FREM2: variants seen among roughly 807,000 people sequenced by gnomAD.
The protein encoded by FREM2 is FRAS1 related extracellular matrix 2, also known as FRAS1-related extracellular matrix protein 2.
A neutral mutation model predicts 219.9 loss-of-function variants in FREM2; 119 were observed. The observed-to-expected ratio is 0.54, with a 90% CI of 0.47 to 0.63. The LOEUF is 0.63. Among genes scored for constraint, FREM2 ranks in the 30% least tolerant of loss-of-function variants. The probability of loss-of-function intolerance (pLI) is 0.00; values close to 1 mark genes in which losing one functional copy is unlikely to be tolerated. For synonymous variants in FREM2, 1,562 were observed against 1,522.8 expected, an observed-to-expected ratio of 1.03 and a Z score of -0.60; for missense variants, 4,030 against 3,993.6, an observed-to-expected ratio of 1.01 and a Z score of -0.25.
intron 6 of FREM2, among the ~76,000 whole-genome samples, chr13:38,837,538 G>C (rs1876760056): frequency 6.6e-6 from 1 of 152,110 alleles, no homozygotes; most frequent in Non-Finnish European, 1.5e-5. Flanking sequence ...TTGACAATGG[G>C]TGTTAAAGTC....
At chr13:38,753,880 G>A (rs913737891) in intron 2 of FREM2, among the ~76,000 whole-genome samples, 1 of 152,194 alleles carries the variant, frequency 6.6e-6, no homozygotes, top group African/African-American at 2.4e-5. Context: ...TAAACTCTAG[G>A]TGAGGGGATG....
rs755223411 is a variant in FREM2 at position 38,692,279 on chromosome 13, G to A, written c.4935G>A (p.Lys1645=). 4 of 1,613,688 alleles carry A rather than the reference G, an allele frequency of 2.5e-6. No homozygotes were observed. The South Asian group carries it at 3.3e-5, about 13-fold the overall frequency. The part of the protein sequence containing the change: ...VFETRRPQVM[K]IQVLAVDNSV... ...AAACAAGGAGACCCCAAGTGATGAA[G>A]ATCCAGGTCTTGGCTGTTGACAACA... is the stretch of plus-strand genomic sequence containing the variant. The change falls in exon 1 of 24, where the codon AAG becomes AAA. Residue 1645 remains lysine (K), a synonymous_variant. Transcript: ENST00000280481.
At chr13:38,745,232 A>T (rs1228611730) in intron 2 of FREM2, among the ~76,000 whole-genome samples, 1 of 152,200 alleles carries the variant, frequency 6.6e-6, no homozygotes, top group Non-Finnish European at 1.5e-5. Flanking sequence ...ATTATTTTGA[A>T]GTATGTTTTT....
intron 6 of FREM2, among the ~76,000 whole-genome samples, chr13:38,806,379 G>A (rs1875227342): frequency 6.6e-6 from 1 of 151,902 alleles, no homozygotes; most frequent in South Asian, 2.1e-4. Context: ...TAGAACTTGG[G>A]AAGTTTTCTG....
rs941602944 is a variant in FREM2 at position 38,689,255 on chromosome 13, G to A, written c.1911G>A (p.Glu637=). 4.3e-6 allele frequency: 7 copies of A among 1,613,978 alleles called. No homozygotes were observed. The African/African-American group carries it at 5.3e-5, about 12-fold the overall frequency. Reference sequence around the variant, plus strand: ...GGAGGAAGGAGGGGGCATTTTATGAGCGAACAGTGACAGAGTGGCAGCAGC... The same window carrying A: ...GGAGGAAGGAGGGGGCATTTTATGAACGAACAGTGACAGAGTGGCAGCAGC... ...GLWRKEGAFY[E]RTVTEWQQQD... Residue 637 remains glutamate (E), a synonymous_variant, in exon 1 of 24, where the codon GAG becomes GAA. Transcript: ENST00000280481.
At chr13:38,793,111 T>A (rs1461311622) in intron 6 of FREM2, among the ~76,000 whole-genome samples, 1 of 152,220 alleles carries the variant, frequency 6.6e-6, no homozygotes, top group Non-Finnish European at 1.5e-5. Flanking sequence ...GAATTTTATA[T>A]CACTCATTCA....
intron 1 of FREM2, among the ~76,000 whole-genome samples, chr13:38,694,001 A>G (rs1272886288): frequency 6.6e-6 from 1 of 152,244 alleles, no homozygotes; most frequent in Non-Finnish European, 1.5e-5. Context: ...GGAATATATT[A>G]GATAATAGAA....
rs1174433217 is a variant in FREM2 at position 38,879,648 on chromosome 13, G to A, written c.9007-636G>A. On this transcript the variant is annotated intron_variant, in intron 23 of 23. Coordinates refer to ENST00000280481, the MANE Select transcript of FREM2 (RefSeq NM_207361.6). ...ATGTGTTATTTTCATTCAACCTAAG[G>A]AAGGATCTTAAGAAAGCATGTTTGT... Among the ~76,000 whole-genome samples the A allele has an allele frequency of 1.3e-5, 2 of 152,198 alleles. 1 individual carries two copies. Among genetic ancestry groups the A allele is most frequent in the Non-Finnish European group, 2.9e-5 (2 of 68,034 alleles).
At chr13:38,732,095 CTT>C (rs1457710857) in intron 2 of FREM2, among the ~76,000 whole-genome samples, 1 of 152,174 alleles carries the variant, frequency 6.6e-6, no homozygotes, top group Non-Finnish European at 1.5e-5. Context: ...AGCATTGTCT[CTT>C]TACATTTGGA....
At chr13:38,862,022 A>T (rs943161249) in intron 15 of FREM2, among the ~76,000 whole-genome samples, 5 of 152,228 alleles carry the variant, frequency 3.3e-5, no homozygotes, top group Non-Finnish European at 5.9e-5. Context: ...ACAGGTATTA[A>T]ATATTGTGTC....
rs763642623 is a variant in FREM2 at position 38,877,151 on chromosome 13, A to G, written c.8579A>G (p.Asn2860Ser). Reference protein sequence around the residue: ...SDPVAAEFSLNTQMYLLSKKS... With the variant: ...SDPVAAEFSLSTQMYLLSKKS... ...CCAGTGGCTGCTGAGTTTAGCTTGAACACCCAAATGTACCTGCTCTCTAAG... is the reference window on the plus strand; with the variant it reads ...CCAGTGGCTGCTGAGTTTAGCTTGAGCACCCAAATGTACCTGCTCTCTAAG... Residue 2860 changes from asparagine to serine, a missense_variant, in exon 21 of 24, where the codon AAC becomes AGC. Coordinates refer to ENST00000280481, the MANE Select transcript of FREM2 (RefSeq NM_207361.6). 11 of 1,614,016 alleles carry G rather than the reference A, an allele frequency of 6.8e-6. No individual in the cohort carries two copies. The highest frequency in any genetic ancestry group is 9.3e-6 in the Non-Finnish European group (11 of 1,179,998).
intron 6 of FREM2, among the ~76,000 whole-genome samples, chr13:38,844,205 T>C (rs1390464307): frequency 6.6e-6 from 1 of 152,198 alleles, no homozygotes; most frequent in Admixed American, 6.6e-5. Flanking sequence ...GGCAACGTAA[T>C]AATGTTGTTT....
chr13:38,813,340 AG>A (rs1311724723), intron 6 of FREM2, among the ~76,000 whole-genome samples: 2 of 151,678 alleles, frequency 1.3e-5, no homozygotes, highest in African/African-American at 4.8e-5. Context: ...ATACTATTCT[AG>A]GGTAAAAGGT....
Position 38,784,634 on chromosome 13 carries a change from G to A in FREM2, c.5845G>A (p.Val1949Ile). 6.2e-7 allele frequency: 1 copy of A among 1,614,198 alleles called. No homozygotes were observed. Residue 1949 changes from valine (V) to isoleucine (I), a missense_variant, in exon 6 of 24, where the codon GTT becomes ATT. By Grantham distance (29) the Val-to-Ile change is conservative (BLOSUM62 3). Transcript: ENST00000280481. ...YISRPEDHTSVVRFDKDEREK... is the reference protein window; with the variant it reads ...YISRPEDHTSIVRFDKDEREK... ...ATCCAGGCCTGAGGACCACACCAGT[G>A]TTGTCCGCTTTGACAAAGATGAACG...
At chr13:38,694,640 A>G (rs1467999346) in intron 1 of FREM2, among the ~76,000 whole-genome samples, 1 of 152,244 alleles carries the variant, frequency 6.6e-6, no homozygotes, top group Non-Finnish European at 1.5e-5. Flanking sequence ...AGTTTAGCAC[A>G]GGTAGCTAGA....
intron 6 of FREM2, among the ~76,000 whole-genome samples, chr13:38,807,406 G>A (rs1875289969): frequency 6.7e-6 from 1 of 149,992 alleles, no homozygotes; most frequent in Admixed American, 6.7e-5. Context: ...TATTCTTAAC[G>A]ACATCTAGAA....
chr13:38,774,157 G>C (rs1026605805), intron 4 of FREM2, among the ~76,000 whole-genome samples: 1 of 151,782 alleles, frequency 6.6e-6, no homozygotes, highest in African/African-American at 2.4e-5. Context: ...TACTTATCTT[G>C]TATATGAAAA....
intron 6 of FREM2, among the ~76,000 whole-genome samples, chr13:38,807,189 T>TTATATATATATATATATATATA (rs59551341): frequency 2.6e-4 from 12 of 45,372 alleles, no homozygotes; most frequent in South Asian, 1.2e-3. Context: ...CTTGTCTCTG[T>TTATATATATATATATATATATA]TATATATATA....
intron 5 of FREM2, among the ~76,000 whole-genome samples, chr13:38,783,473 T>TAAAA (rs141521145): frequency 3.2e-5 from 4 of 124,020 alleles, no homozygotes; most frequent in Non-Finnish European, 6.8e-5. Context: ...GGTTACTATA[T>TAAAA]AAAAAAAAAA....
Sources: allele counts gnomAD v4.1 joint callset (sites outside exome capture counted in the v4.1 genomes callset), GRCh38; gene constraint gnomAD v4.1.1; transcripts MANE v1.5; gene names NCBI Gene and HGNC (gene_info 2026-07-23, HGNC 2026-07-21).